Variants in MITF observed in about 807,000 individuals in gnomAD.
MITF encodes the protein microphthalmia-associated transcription factor.
A neutral mutation model predicts 60.5 loss-of-function variants in MITF; 17 were observed. The ratio of observed to expected loss-of-function variants is 0.28; its 90% confidence interval spans 0.19 to 0.42. The LOEUF is 0.42. Ranked by LOEUF, MITF falls within the 10% of genes least tolerant of loss-of-function variation. The pLI, the probability that MITF is intolerant of heterozygous loss-of-function variation, is 1.00. For synonymous variants in MITF, 260 were observed against 248.5 expected (o/e 1.05, Z -0.43); for missense variants, 622 against 683.5 (o/e 0.91, Z 1.00).
intron 1 of MITF, among the ~76,000 whole-genome samples, chr3:69,835,744 A>G (rs970139076): frequency 6.6e-6 from 1 of 152,166 alleles, no homozygotes; most frequent in Non-Finnish European, 1.5e-5. Flanking sequence ...TCCTTTTCCT[A>G]TTGAGTGTTT....
chr3:69,962,681 T>C (rs2066580122), intron 9 of MITF, among the ~76,000 whole-genome samples: 1 of 152,166 alleles, frequency 6.6e-6, no homozygotes, highest in Non-Finnish European at 1.5e-5. Flanking sequence ...AGCAGAATGC[T>C]TATCAGGAAT....
At chr3:69,913,448 TC>T (rs2065266044) in intron 2 of MITF, among the ~76,000 whole-genome samples, 1 of 152,188 alleles carries the variant, frequency 6.6e-6, no homozygotes, top group Non-Finnish European at 1.5e-5. Flanking sequence ...GATGAATTCT[TC>T]CTTGAGAGAT....
chr3:69,920,228 C>T (rs959831971), intron 2 of MITF, among the ~76,000 whole-genome samples: 1 of 152,150 alleles, frequency 6.6e-6, no homozygotes, highest in Non-Finnish European at 1.5e-5. Context: ...GGAAGATGCC[C>T]GTTGCCAGGC....
chr3:69,939,174 G>A lies in MITF; in HGVS notation c.659G>A (p.Cys220Tyr), dbSNP rs2065911898. Reference protein sequence around the residue: ...PGMNTHSRASCMQMDDVIDDI... With the variant: ...PGMNTHSRASYMQMDDVIDDI... ...ATGAACACACATTCACGAGCGTCCT[G>A]TATGCAGGTACTGAATGACTTGGCA... The change falls in exon 4 of 10, where the codon TGT (cysteine) becomes TAT (tyrosine). Residue 220 changes from cysteine (C) to tyrosine (Y), a missense_variant. Cys to Tyr is a radical substitution (Grantham distance 194). Coordinates refer to ENST00000352241, the MANE Select transcript of MITF (RefSeq NM_001354604.2). 6.2e-7 allele frequency: 1 copy of A among 1,613,798 alleles called. No homozygotes were observed. The highest frequency in any genetic ancestry group is 8.5e-7 in the Non-Finnish European group (1 of 1,179,926).
intron 2 of MITF, among the ~76,000 whole-genome samples, chr3:69,881,486 A>G (rs2064486568): frequency 6.6e-6 from 1 of 152,136 alleles, no homozygotes; most frequent in South Asian, 2.1e-4. Context: ...ACAATATTTT[A>G]AGAAAATCAG....
At chr3:69,855,694 C>T (rs772582329) in intron 1 of MITF, among the ~76,000 whole-genome samples, 2 of 151,714 alleles carry the variant, frequency 1.3e-5, no homozygotes. Flanking sequence ...TTTGGTACTT[C>T]ATTATGAAAT....
At chr3:69,813,393 A>T (rs2063131241) in intron 1 of MITF, among the ~76,000 whole-genome samples, 1 of 152,222 alleles carries the variant, frequency 6.6e-6, no homozygotes, top group Non-Finnish European at 1.5e-5. Flanking sequence ...TTTGGGCATT[A>T]ATATCATTCC....
chr3:69,912,525 A>G (rs2065246527), intron 2 of MITF, among the ~76,000 whole-genome samples: 1 of 152,226 alleles, frequency 6.6e-6, no homozygotes, highest in South Asian at 2.1e-4. Flanking sequence ...TGTTCTAGTC[A>G]TCTCTGTTGG....
At chr3:69,950,144 C>T (rs1199899947) in intron 6 of MITF, among the ~76,000 whole-genome samples, 4 of 151,852 alleles carry the variant, frequency 2.6e-5, no homozygotes, top group South Asian at 2.1e-4. Context: ...AAGCAAGAAT[C>T]GTCGGGCAGG....
intron 2 of MITF, among the ~76,000 whole-genome samples, chr3:69,890,390 T>C (rs2064732956): frequency 6.6e-6 from 1 of 152,152 alleles, no homozygotes; most frequent in African/African-American, 2.4e-5. Context: ...CATATCACAC[T>C]TACATAGCAC....
intron 1 of MITF, among the ~76,000 whole-genome samples, chr3:69,799,056 A>T (rs1248133033): frequency 2.6e-5 from 4 of 152,152 alleles, no homozygotes; most frequent in African/African-American, 9.7e-5. Flanking sequence ...TTACCATGGT[A>T]TGTTTCTTTA....
chr3:69,802,629 G>A lies in MITF; in HGVS notation c.104+62928G>A, dbSNP rs114932198. Among the ~76,000 whole-genome samples the A allele has an allele frequency of 4.4e-3, 646 of 146,778 alleles. 6 individuals are homozygous for A. The highest frequency in any genetic ancestry group is 0.015 in the African/African-American group (598 of 39,878). ...GTGTATTGAATCATTATTGATCATT[G>A]ACTTCCCAAACACTTAGTGAGCACC... On this transcript the variant is annotated intron_variant, in intron 1 of 9. Transcript: ENST00000352241.
At chr3:69,935,999 C>T (rs945466852) in intron 2 of MITF, among the ~76,000 whole-genome samples, 1 of 152,124 alleles carries the variant, frequency 6.6e-6, no homozygotes, top group Admixed American at 6.5e-5. Context: ...TTATTATCCA[C>T]ATAAATATAT....
chr3:69,802,076 A>G (rs1381727671), intron 1 of MITF, among the ~76,000 whole-genome samples: 1 of 152,192 alleles, frequency 6.6e-6, no homozygotes, highest in Non-Finnish European at 1.5e-5. Flanking sequence ...TCATATGAGA[A>G]AACAAGGCTT....
Position 69,941,268 on chromosome 3 carries a change from A to G in MITF, c.699A>G (p.Leu233=). ...MDDVIDDIIS[L]ESSYNEEILG... ...ATGTAATCGATGACATCATTAGCCT[A>G]GAATCAAGTTATAATGAGGAAATCT... Residue 233 remains leucine, a synonymous_variant, in exon 5 of 10, where the codon CTA becomes CTG. Coordinates refer to ENST00000352241, the MANE Select transcript of MITF (RefSeq NM_001354604.2). The G allele has an allele frequency of 1.2e-6, 2 of 1,613,028 alleles. No individual in the cohort carries two copies. Among genetic ancestry groups the G allele is most frequent in the Non-Finnish European group, 1.7e-6 (2 of 1,179,196 alleles).
At chr3:69,789,917 A>G (rs1575716273) in intron 1 of MITF, among the ~76,000 whole-genome samples, 1 of 152,094 alleles carries the variant, frequency 6.6e-6, no homozygotes, top group East Asian at 1.9e-4. Flanking sequence ...GTGCATGTAT[A>G]TATATATATA....
At chr3:69,856,214 G>C (rs967884216) in intron 1 of MITF, among the ~76,000 whole-genome samples, 6 of 151,982 alleles carry the variant, frequency 3.9e-5, no homozygotes, top group African/African-American at 1.5e-4. Flanking sequence ...CTCAATCAAT[G>C]TTTCCTAAAT....
chr3:69,789,577 G>A (rs951043182), intron 1 of MITF, among the ~76,000 whole-genome samples: 1 of 152,082 alleles, frequency 6.6e-6, no homozygotes, highest in South Asian at 2.1e-4. Context: ...GAGCATAGAG[G>A]TTCATAAAAA....
chr3:69,782,788 T>C (rs1434339132), intron 1 of MITF, among the ~76,000 whole-genome samples: 1 of 152,250 alleles, frequency 6.6e-6, no homozygotes, highest in African/African-American at 2.4e-5. Flanking sequence ...GAATATCCTT[T>C]ATTACTATCT....
Sources: gnomAD v4.1 joint callset for allele counts (sites outside exome capture counted in the v4.1 genomes callset) on GRCh38, gnomAD v4.1.1 for gene constraint, MANE v1.5 for transcripts, NCBI Gene and HGNC (gene_info 2026-07-23, HGNC 2026-07-21) for gene names.